Variants in KLF15 observed in about 807,000 individuals in gnomAD.
KLF15 encodes the protein KLF transcription factor 15, also known as Krueppel-like factor 15.
In KLF15, 4 loss-of-function variants were observed where a neutral mutation model predicts 24.6. The observed-to-expected ratio is 0.16, with a 90% CI of 0.08 to 0.37. The LOEUF is 0.37. Ranked by LOEUF, KLF15 falls within the 10% of genes least tolerant of loss-of-function variation. The pLI is 1.00. For synonymous variants in KLF15, 246 were observed against 236.3 expected, an observed-to-expected ratio of 1.04 and a Z score of -0.37; for missense variants, 496 against 560.6, an observed-to-expected ratio of 0.88 and a Z score of 1.16.
the KLF15 span, among the ~76,000 whole-genome samples, chr3:126,321,909 C>T: frequency 2.6e-5 from 4 of 151,946 alleles, no homozygotes; most frequent in African/African-American, 9.7e-5. Flanking sequence ...AAGTCAGATG[C>T]CCACATGATG....
the KLF15 span, among the ~76,000 whole-genome samples, chr3:126,315,281 C>T: frequency 6.6e-6 from 1 of 152,144 alleles, no homozygotes; most frequent in Non-Finnish European, 1.5e-5. Context: ...CGAACAAGTT[C>T]ACATTCTGAA....
chr3:126,336,184 G>T, the KLF15 span, among the ~76,000 whole-genome samples: 5 of 113,300 alleles, frequency 4.4e-5, no homozygotes, highest in South Asian at 3.8e-4. Context: ...ATACTACAAG[G>T]CTACAGTAAC....
chr3:126,299,906 G>C, the KLF15 span, among the ~76,000 whole-genome samples: 795 of 152,144 alleles, frequency 5.2e-3, 5 homozygotes, highest in African/African-American at 0.019. Context: ...AGACTTCCAG[G>C]CTCCGTGACT....
chr3:126,293,640 G>A, the KLF15 span, among the ~76,000 whole-genome samples: 1 of 152,178 alleles, frequency 6.6e-6, no homozygotes, highest in African/African-American at 2.4e-5. Flanking sequence ...CTGTCCAGAA[G>A]ACCCTGCAGA....
chr3:126,304,277 C>T, the KLF15 span, among the ~76,000 whole-genome samples: 2 of 152,128 alleles, frequency 1.3e-5, no homozygotes, highest in Non-Finnish European at 2.9e-5. Flanking sequence ...CGATGCAAGA[C>T]CATTGGTAGA....
downstream of KLF15, among the ~76,000 whole-genome samples, chr3:126,338,650 C>A (rs970677578): frequency 6.6e-6 from 1 of 152,212 alleles, no homozygotes; most frequent in Admixed American, 6.5e-5. Context: ...TCGCAAATTT[C>A]TTCTCTTTCT....
the KLF15 span, among the ~76,000 whole-genome samples, chr3:126,323,416 TATATA>T: frequency 8.5e-5 from 3 of 35,402 alleles, no homozygotes; most frequent in African/African-American, 4.0e-4. Context: ...TATATATATA[TATATA>T]TATATATATA....
chr3:126,316,226 A>G, the KLF15 span, among the ~76,000 whole-genome samples: 1 of 151,662 alleles, frequency 6.6e-6, no homozygotes, highest in Admixed American at 6.6e-5. Flanking sequence ...AAGGGAGTCC[A>G]CGGGCCGGAC....
rs1576591209 is a variant in KLF15 at position 126,356,286 on chromosome 3, G to A, written c.-26+951C>T. Among the ~76,000 whole-genome samples, 2 of 152,270 alleles carry A rather than the reference G, an allele frequency of 1.3e-5. No homozygotes were observed. Among genetic ancestry groups the A allele is most frequent in the African/African-American group, 4.8e-5 (2 of 41,560 alleles). On this transcript the variant is annotated intron_variant, in intron 1 of 2. Coordinates refer to ENST00000296233, the MANE Select transcript of KLF15 (RefSeq NM_014079.4). This position sits in a 1 kb window ranked among gnomAD's most constrained non-coding sequence, Gnocchi z 4.4. ...GGCAGGGTCTCCCCAGGGGCCACCT[G>A]GTCCGGGGGGACAGGGGGAAGGAGA...
intron 2 of KLF15, among the ~76,000 whole-genome samples, chr3:126,346,988 A>G (rs1194123607): frequency 6.6e-6 from 1 of 152,218 alleles, no homozygotes; most frequent in Non-Finnish European, 1.5e-5. Context: ...AGCCCTGCTT[A>G]GCACGTGGCA....
the KLF15 span, among the ~76,000 whole-genome samples, chr3:126,315,343 C>T: frequency 1.3e-5 from 2 of 152,212 alleles, no homozygotes; most frequent in Non-Finnish European, 2.9e-5. Context: ...TAGAACATAT[C>T]TCTTCTTGGT....
the KLF15 span, among the ~76,000 whole-genome samples, chr3:126,311,464 T>C: frequency 3.3e-5 from 5 of 152,218 alleles, no homozygotes; most frequent in African/African-American, 1.2e-4. Flanking sequence ...TCCAGGTTTC[T>C]ATCCTCTCCC....
chr3:126,296,590 G>T, the KLF15 span, among the ~76,000 whole-genome samples: 1 of 152,218 alleles, frequency 6.6e-6, no homozygotes, highest in Admixed American at 6.5e-5. Flanking sequence ...GCAGCCTAGG[G>T]ATTAGCACCT....
intron 2 of KLF15, among the ~76,000 whole-genome samples, chr3:126,348,679 T>A (rs577885518): frequency 2.6e-5 from 4 of 152,034 alleles, no homozygotes; most frequent in African/African-American, 9.7e-5. Context: ...AGGGCAGGGG[T>A]CATTTGAGAC....
the KLF15 span, among the ~76,000 whole-genome samples, chr3:126,315,574 G>A: frequency 0.035 from 5,397 of 152,260 alleles, 316 homozygotes; most frequent in African/African-American, 0.12. Flanking sequence ...GGAGGAGAGC[G>A]GGAGGGGAGG....
chr3:126,332,222 C>G, the KLF15 span, among the ~76,000 whole-genome samples: 1 of 150,710 alleles, frequency 6.6e-6, no homozygotes, highest in African/African-American at 2.4e-5. Flanking sequence ...AGCTGGAGAT[C>G]TGAGAACCAG....
the KLF15 span, among the ~76,000 whole-genome samples, chr3:126,311,039 G>C: frequency 2.0e-5 from 3 of 152,178 alleles, no homozygotes; most frequent in Admixed American, 2.0e-4. Flanking sequence ...CATCCTCAGG[G>C]TGAGGGCAGT....
the KLF15 span, among the ~76,000 whole-genome samples, chr3:126,333,323 G>C: frequency 6.0e-4 from 82 of 136,836 alleles, no homozygotes; most frequent in African/African-American, 2.3e-3. Context: ...GCCAAACTAA[G>C]CTTCATAAGT....
At position 126,356,168 on chromosome 3, in the gene KLF15, C is replaced by CG. The variant is rs1343407467; in HGVS notation, c.-26+1068dup. Among the ~76,000 whole-genome samples the CG allele has an allele frequency of 3.3e-5, 5 of 152,174 alleles. No individual in the cohort carries two copies. Among genetic ancestry groups the CG allele is most frequent in the Non-Finnish European group, 7.4e-5 (5 of 68,012 alleles). ...AGCGTGCAAATCACGGGGGTGGCGG[C>CG]GGGGGCTGTCCTTCAAAATAAGAGT... On this transcript the variant is annotated intron_variant, in intron 1 of 2. Transcript: ENST00000296233. This position sits in a 1 kb window ranked among gnomAD's most constrained non-coding sequence, Gnocchi z 4.4.
Sources: gnomAD v4.1 joint callset for allele counts (sites outside exome capture counted in the v4.1 genomes callset) on GRCh38, gnomAD v4.1.1 for gene constraint, Gnocchi (gnomAD v3.1) non-coding constraint, MANE v1.5 for transcripts, NCBI Gene and HGNC (gene_info 2026-07-23, HGNC 2026-07-21) for gene names.